HSF2: variants seen among roughly 807,000 people sequenced by gnomAD.
The protein encoded by HSF2 is heat shock transcription factor 2, also known as heat shock factor protein 2.
A neutral mutation model predicts 65.0 loss-of-function variants in HSF2; 21 were observed. The ratio of observed to expected loss-of-function variants is 0.32; its 90% CI spans 0.23 to 0.47. The LOEUF is 0.47. HSF2 is among the 20% of genes least tolerant of loss of function. The pLI is 1.00. For missense variants in HSF2, 499 were observed against 628.1 expected, an observed-to-expected ratio of 0.79 and a Z score of 2.20; for synonymous variants, 225 against 219.1, an observed-to-expected ratio of 1.03 and a Z score of -0.24.
chr6:122,408,409 A>G (rs986161335), intron 1 of HSF2, among the ~76,000 whole-genome samples: 12 of 151,428 alleles, frequency 7.9e-5, no homozygotes, highest in Admixed American at 4.0e-4. Context: ...GGGAAAATCG[A>G]TATCTCTGTG....
At position 122,419,152 on chromosome 6, in the gene HSF2, T is replaced by C; in HGVS notation, c.532-16T>C. 1 of 1,249,784 alleles carries C rather than the reference T, an allele frequency of 8.0e-7. No homozygotes were observed. The highest frequency in any genetic ancestry group is 1.2e-6 in the Non-Finnish European group (1 of 858,574). 77.4% of individuals were successfully genotyped at this position (1,249,784 alleles called of 1,614,324 possible). A position where few individuals can be genotyped will look rare whatever the true frequency, so the allele number is the denominator to read the frequency against. On this transcript the variant is annotated splice_polypyrimidine_tract_variant and intron_variant, in intron 5 of 12. Coordinates refer to ENST00000368455, the MANE Select transcript of HSF2 (RefSeq NM_004506.4). ...TAACAGTATAATGAAATAATTTTTGTTTATATTTTTTTCAGATTGTCCAGT... is the reference window on the plus strand; with the variant it reads ...TAACAGTATAATGAAATAATTTTTGCTTATATTTTTTTCAGATTGTCCAGT...
intron 11 of HSF2, 80 bp downstream of exon 11, chr6:122,428,036 A>C (rs568831035): frequency 4.4e-5 from 34 of 774,206 alleles, no homozygotes; most frequent in East Asian, 1.1e-4. Context: ...GAGCAATGTC[A>C]CTCCCAGCCA....
intron 10 of HSF2, among the ~76,000 whole-genome samples, chr6:122,424,339 T>C (rs945940413): frequency 1.3e-5 from 2 of 152,018 alleles, no homozygotes; most frequent in Non-Finnish European, 2.9e-5. Context: ...CTTAGATGAA[T>C]CTTGTTCTGT....
chr6:122,429,343 T>C (rs1774410659), intron 11 of HSF2, among the ~76,000 whole-genome samples: 1 of 152,072 alleles, frequency 6.6e-6, no homozygotes, highest in Non-Finnish European at 1.5e-5. Context: ...ATTATAGTTT[T>C]CAAAAACTAT....
chr6:122,402,215 T>G (rs1333678309), intron 1 of HSF2, among the ~76,000 whole-genome samples: 1 of 152,208 alleles, frequency 6.6e-6, no homozygotes, highest in African/African-American at 2.4e-5. Flanking sequence ...CTAGACTTAA[T>G]GCAAGTTGAC....
intron 4 of HSF2, 118 bp downstream of exon 4, chr6:122,413,767 C>A: frequency 1.2e-6 from 1 of 861,548 alleles, no homozygotes; most frequent in Non-Finnish European, 1.8e-6. Context: ...TTGTTGAAGC[C>A]AAGATCAAAG....
chr6:122,417,101 A>T (rs1402509045), intron 5 of HSF2, among the ~76,000 whole-genome samples: 1 of 151,822 alleles, frequency 6.6e-6, no homozygotes, highest in Admixed American at 6.6e-5. Context: ...TAAAGCAGAG[A>T]TGAGTAGCAG....
At chr6:122,431,696 T>TTA (rs1554209930) in intron 12 of HSF2, among the ~76,000 whole-genome samples, 182 bp downstream of exon 12, 1 of 151,470 alleles carries the variant, frequency 6.6e-6, no homozygotes, top group Non-Finnish European at 1.5e-5. Context: ...TTTTTTTTTT[T>TTA]ATCCTATTTA....
intron 1 of HSF2, among the ~76,000 whole-genome samples, chr6:122,404,797 CAA>C (rs1773828379): frequency 6.6e-6 from 1 of 151,966 alleles, no homozygotes; most frequent in South Asian, 2.1e-4. Flanking sequence ...TTTTTGCACT[CAA>C]AGAAGTTATT....
chr6:122,408,106 CA>C (rs1773909003), intron 1 of HSF2, among the ~76,000 whole-genome samples: 2 of 152,086 alleles, frequency 1.3e-5, no homozygotes. Context: ...ACCATCATAT[CA>C]GGGGCAAGGG....
intron 11 of HSF2, among the ~76,000 whole-genome samples, chr6:122,429,449 A>G (rs1017658455): frequency 2.0e-5 from 3 of 152,086 alleles, no homozygotes; most frequent in African/African-American, 7.2e-5. Context: ...TCTAGATTTT[A>G]ATGTTTTCAA....
intron 1 of HSF2, among the ~76,000 whole-genome samples, chr6:122,402,801 C>T (rs1235056552): frequency 6.6e-6 from 1 of 152,168 alleles, no homozygotes; most frequent in African/African-American, 2.4e-5. Flanking sequence ...ATCCACCCGT[C>T]TCGGCCTCCC....
Position 122,422,885 on chromosome 6 carries a change from C to T in HSF2, c.998C>T (p.Ser333Phe). The T allele has an allele frequency of 6.2e-7, 1 of 1,613,556 alleles. No homozygotes were observed. Among genetic ancestry groups the T allele is most frequent in the Non-Finnish European group, 8.5e-7 (1 of 1,179,672 alleles). The change falls in exon 9 of 13, where the codon TCC becomes TTC. Residue 333 changes from serine to phenylalanine, a missense_variant. Ser to Phe is a radical substitution (Grantham distance 155). Around this residue, in one of 2 missense-constraint regions of HSF2, gnomAD observed 349 missense variants for 393.5 expected, o/e 0.89. Transcript: ENST00000368455. ...MSSAVQLNGS[S>F]SLTSEDPVTM... ...AGTGCTGTCCAGCTAAATGGCTCAT[C>T]CAGTCTGACCTCAGAAGATCCAGTG...
At chr6:122,417,092 A>G (rs918722802) in intron 5 of HSF2, among the ~76,000 whole-genome samples, 2 of 152,106 alleles carry the variant, frequency 1.3e-5, no homozygotes, top group African/African-American at 4.8e-5. Flanking sequence ...AGAAGGCTTT[A>G]AAGCAGAGAT....
In HSF2 at chr6:122,412,297, G is replaced by A. The variant is rs1582610192; in HGVS notation, c.94-76G>A. 10 of 840,658 alleles carry A rather than the reference G, an allele frequency of 1.2e-5. No homozygotes were observed. In the East Asian group the frequency reaches 2.4e-4, roughly 21 times the overall value. 52.1% of individuals were successfully genotyped at this position (840,658 alleles called of 1,614,324 possible). ...GGACTGGACTACTCAAGACAGTTGT[G>A]GGATGTATAAATATATCACCATGTG... On this transcript the variant is annotated intron_variant, in intron 1 of 12. Coordinates refer to ENST00000368455, the MANE Select transcript of HSF2 (RefSeq NM_004506.4).
chr6:122,408,949 A>G (rs1002263795), intron 1 of HSF2, among the ~76,000 whole-genome samples: 2 of 151,906 alleles, frequency 1.3e-5, no homozygotes. Flanking sequence ...CCGGGGAAAC[A>G]GGAAATGGGT....
intron 6 of HSF2, among the ~76,000 whole-genome samples, 196 bp downstream of exon 6, chr6:122,419,425 A>C (rs555228466): frequency 9.2e-5 from 14 of 152,098 alleles, no homozygotes; most frequent in Non-Finnish European, 1.5e-4. Flanking sequence ...TGTTTGTGAG[A>C]GATAAGGGTA....
Position 122,422,157 on chromosome 6 carries a change from A to G in HSF2, c.689A>G (p.His230Arg). The change falls in exon 8 of 13, where the codon CAC (histidine) becomes CGC (arginine). Residue 230 changes from histidine (H) to arginine (R), a missense_variant. By Grantham distance (29) the His-to-Arg change is conservative (BLOSUM62 0). This residue lies in a region of HSF2 where 349 missense variants were observed against 393.5 expected (regional missense o/e 0.89). Transcript: ENST00000368455. ...PTDNHHHKVP[H>R]SRTEGLKPRE... ...TTCTCTCTGAATTTTTAGGTTCCACACAGTAGGACTGAAGGTTTAAAGCCA... is the reference window on the plus strand; with the variant it reads ...TTCTCTCTGAATTTTTAGGTTCCACGCAGTAGGACTGAAGGTTTAAAGCCA... 10 of 1,591,716 alleles carry G rather than the reference A, an allele frequency of 6.3e-6. No homozygotes were observed. Among genetic ancestry groups the G allele is most frequent in the Non-Finnish European group, 8.5e-6 (10 of 1,169,910 alleles).
intron 1 of HSF2, among the ~76,000 whole-genome samples, chr6:122,400,508 T>C (rs190392993): frequency 1.3e-5 from 2 of 152,352 alleles, no homozygotes; most frequent in East Asian, 3.9e-4. Flanking sequence ...GGTGGTAACT[T>C]AGTAGTTACT....
Sources: gnomAD v4.1 joint callset for allele counts (sites outside exome capture counted in the v4.1 genomes callset) on GRCh38, gnomAD v4.1.1 for gene constraint, gnomAD v4.1.1 regional missense constraint, MANE v1.5 for transcripts, NCBI Gene and HGNC (gene_info 2026-07-23, HGNC 2026-07-21) for gene names.